NFS1: variants seen among roughly 807,000 people sequenced by gnomAD.
NFS1 encodes NFS1 cysteine desulfurase, also known as cysteine desulfurase.
Under a neutral mutation model 57.3 loss-of-function variants are expected in NFS1, and 26 were observed. The observed-to-expected ratio is 0.45, with a 90% CI of 0.33 to 0.63. The LOEUF is 0.63. NFS1 is among the 20% of genes least tolerant of loss of function. NFS1 has a pLI of 0.02. For synonymous variants in NFS1, 209 were observed against 216.3 expected (o/e 0.97, Z 0.30); for missense variants, 505 against 605.8 (o/e 0.83, Z 1.75).
intron 5 of NFS1, among the ~76,000 whole-genome samples, chr20:35,684,325 G>A (rs756698984): frequency 2.0e-5 from 3 of 150,544 alleles, no homozygotes; most frequent in Admixed American, 6.6e-5. Context: ...GGAGAATGGC[G>A]TGAACCTGGG....
Position 35,675,074 on chromosome 20 carries a change from C to A in NFS1, c.919G>T (p.Ala307Ser). The change falls in exon 8 of 13, where the codon GCG becomes TCG. Residue 307 changes from alanine to serine, a missense_variant. Coordinates refer to ENST00000374092, the MANE Select transcript of NFS1 (RefSeq NM_021100.5). The part of the protein sequence containing the change: ...PTPLVVGLGA[A>S]CEVAQQEMEY... The stretch of plus-strand genomic sequence containing the variant: ...ATCTCTTGCTGTGCCACCTCACACG[C>A]AGCCCCCAGCCCCACCACTAAGGGT... 2 of 1,614,058 alleles carry A rather than the reference C, an allele frequency of 1.2e-6. No homozygotes were observed. Among genetic ancestry groups the A allele is most frequent in the African/African-American group, 2.7e-5 (2 of 75,038 alleles).
rs1223418864 is a variant in NFS1 at position 35,699,327 on chromosome 20, G to C, written c.-39C>G. ...GAGCCCACCTTCCGAAGCCGCTGCA[G>C]TCCTGGGCCCCAGGCTCCCGGAAGT... On this transcript the variant is annotated 5_prime_UTR_variant, in exon 1 of 13. Transcript: ENST00000374092. This position sits in a 1 kb window ranked among gnomAD's most constrained non-coding sequence, Gnocchi z 4.4. The C allele has an allele frequency of 7.1e-7, 1 of 1,399,096 alleles. No individual in the cohort carries two copies. Among genetic ancestry groups the C allele is most frequent in the East Asian group, 2.8e-5 (1 of 35,276 alleles). 86.7% of individuals were successfully genotyped at this position (1,399,096 alleles called of 1,614,324 possible). A position where few individuals can be genotyped will look rare whatever the true frequency, so the allele number is the denominator to read the frequency against.
rs769824047 is a variant in NFS1 at position 35,680,887 on chromosome 20, G to A, written c.656-16C>T. On this transcript the variant is annotated splice_polypyrimidine_tract_variant and intron_variant, in intron 6 of 12. Coordinates refer to ENST00000374092, the MANE Select transcript of NFS1 (RefSeq NM_021100.5). ...CAAATCCGCCCTGAGGAAACAGAGG[G>A]GAAGACCCACAGCACAATGTTGGAA... 35 of 1,482,674 alleles carry A rather than the reference G, an allele frequency of 2.4e-5. No homozygotes were observed. Among genetic ancestry groups the A allele is most frequent in the African/African-American group, 1.4e-5 (1 of 69,822 alleles). The allele number at this position is 1,482,674 out of a possible 1,614,324, so 91.8% of individuals were successfully genotyped here.
Position 35,673,760 on chromosome 20 carries a change from C to T in NFS1, c.1137-76G>A, listed in dbSNP as rs2034695846. On this transcript the variant is annotated intron_variant, in intron 10 of 12. Coordinates refer to ENST00000374092, the MANE Select transcript of NFS1 (RefSeq NM_021100.5). ...TAGTCACAAACCCTCAGTCTTGTTC[C>T]CATCCCCCAGGGCCCTGGAGTCATA... 5 of 1,236,580 alleles carry T rather than the reference C, an allele frequency of 4.0e-6. No homozygotes were observed. In the East Asian group the frequency reaches 9.4e-5, roughly 23 times the overall value. 76.6% of individuals were successfully genotyped at this position (1,236,580 alleles called of 1,614,324 possible). A position where few individuals can be genotyped will look rare whatever the true frequency, so the allele number is the denominator to read the frequency against.
At chr20:35,672,661 CT>C in intron 12 of NFS1, 93 bp downstream of exon 12, 2 of 826,746 alleles carry the variant, frequency 2.4e-6, no homozygotes, top group Middle Eastern at 3.3e-4. Context: ...TACGCTTGAA[CT>C]TTGGTTTTGG....
intron 6 of NFS1, among the ~76,000 whole-genome samples, chr20:35,681,627 T>C (rs970236705): frequency 6.6e-6 from 1 of 151,680 alleles, no homozygotes; most frequent in Admixed American, 6.6e-5. Context: ...GAACCCAGAG[T>C]GAGGAGGTTG....
intron 11 of NFS1, 107 bp downstream of exon 11, chr20:35,673,494 G>T: frequency 2.3e-6 from 2 of 868,012 alleles, no homozygotes; most frequent in South Asian, 3.1e-5. Flanking sequence ...GAGATAAGGA[G>T]AACTCGACTG....
chr20:35,691,137 C>A (rs1419727610), intron 4 of NFS1, among the ~76,000 whole-genome samples: 1 of 151,956 alleles, frequency 6.6e-6, no homozygotes, highest in African/African-American at 2.4e-5. Context: ...AAAATAAAAT[C>A]TATTAAAATA....
chr20:35,669,328 C>A lies in NFS1; in HGVS notation c.*294G>T. ...TTCTGGTTCCTCTTGCTCTCCTCAC[C>A]AAGAGCACAGATGTGCCCAGCAGCA... On this transcript the variant is annotated 3_prime_UTR_variant, in exon 13 of 13. Coordinates refer to ENST00000374092, the MANE Select transcript of NFS1 (RefSeq NM_021100.5). 3.5e-6 allele frequency: 1 copy of A among 284,784 alleles called. No individual in the cohort carries two copies. Among genetic ancestry groups the A allele is most frequent in the Non-Finnish European group, 6.7e-6 (1 of 150,256 alleles). 17.6% of individuals were successfully genotyped at this position (284,784 alleles called of 1,614,324 possible).
At chr20:35,674,301 C>T (rs748516773) in intron 10 of NFS1, 49 bp downstream of exon 10, 2 of 1,456,270 alleles carry the variant, frequency 1.4e-6, no homozygotes, top group Non-Finnish European at 1.9e-6. Flanking sequence ...GCCTGTATGA[C>T]TCTTCTAAGT....
At chr20:35,675,019 G>A (rs368538248) in intron 8 of NFS1, 26 bp downstream of exon 8, 3 of 1,613,784 alleles carry the variant, frequency 1.9e-6, no homozygotes, top group Non-Finnish European at 2.5e-6. Context: ...GGAAGAAGTT[G>A]TGGGAGGGAA....
At chr20:35,693,747 A>C (rs1376452747) in intron 4 of NFS1, among the ~76,000 whole-genome samples, 4 of 152,178 alleles carry the variant, frequency 2.6e-5, no homozygotes, top group Non-Finnish European at 5.9e-5. Context: ...GCGGATCACA[A>C]GGTCAGGAGA....
Position 35,673,616 on chromosome 20 carries a change from G to T in NFS1, c.1205C>A (p.Ala402Glu), listed in dbSNP as rs144638713. Residue 402 changes from alanine (A) to glutamate (E), a missense_variant, in exon 11 of 13, where the codon GCG becomes GAG. Coordinates refer to ENST00000374092, the MANE Select transcript of NFS1 (RefSeq NM_021100.5). ...ACTCACTGACCTGATAGAAGAGTGC[G>T]CTAAATCCTCATCAGTGCCAATTGC... ...LRAIGTDEDL[A>E]HSSIRFGIGR... is the part of the protein sequence containing the mutation. 1 of 1,613,678 alleles carries T rather than the reference G, an allele frequency of 6.2e-7. No individual in the cohort carries two copies. Among genetic ancestry groups the T allele is most frequent in the Non-Finnish European group, 8.5e-7 (1 of 1,179,708 alleles).
At chr20:35,682,190 C>A (rs1339410527) in intron 5 of NFS1, among the ~76,000 whole-genome samples, 2 of 152,184 alleles carry the variant, frequency 1.3e-5, no homozygotes, top group African/African-American at 4.8e-5. Context: ...ATATCACAGC[C>A]ACTTTGGAAA....
chr20:35,691,738 C>CAAAA lies in NFS1; in HGVS notation c.409-1177_409-1174dup, dbSNP rs60402350. ...TGGGCAACAGAGCGAGACTGCATCT[C>CAAAA]AAAAAAAAAAAAAAAAAAAAAAAAA... On this transcript the variant is annotated intron_variant, in intron 4 of 12. Transcript: ENST00000374092. 1.5e-3 allele frequency among the ~76,000 whole-genome samples: 27 copies of CAAAA among 18,158 alleles called. 1 individual carries two copies. The highest frequency in any genetic ancestry group is 1.8e-3 in the African/African-American group (13 of 7,278). The allele number at this position is 18,158 out of a possible 152,430, so 11.9% of individuals were successfully genotyped here.
chr20:35,694,943 C>T (rs939444010), intron 4 of NFS1: 1 of 151,718 alleles, frequency 6.6e-6, no homozygotes, highest in Non-Finnish European at 1.5e-5. Context: ...CAAAATGTTA[C>T]AGTTGTTTAT....
At chr20:35,690,215 A>G (rs1388693879) in intron 5 of NFS1, among the ~76,000 whole-genome samples, 198 bp downstream of exon 5, 1 of 152,092 alleles carries the variant, frequency 6.6e-6, no homozygotes, top group Non-Finnish European at 1.5e-5. Context: ...AGAAAAAGAA[A>G]CAAGTCCTCC....
At chr20:35,696,530 G>T in intron 3 of NFS1, 70 bp from the exon 4 acceptor site, 1 of 1,163,536 alleles carries the variant, frequency 8.6e-7, no homozygotes, top group Non-Finnish European at 1.3e-6. Flanking sequence ...GACACAGGTG[G>T]GACAGCCCTG....
At chr20:35,680,405 C>T (rs754679302) in intron 7 of NFS1, among the ~76,000 whole-genome samples, 1 of 152,110 alleles carries the variant, frequency 6.6e-6, no homozygotes, top group African/African-American at 2.4e-5. Flanking sequence ...AGTTGCTCTG[C>T]ACATCATAGT....
Sources: gnomAD v4.1 joint callset for allele counts (sites outside exome capture counted in the v4.1 genomes callset) on GRCh38, gnomAD v4.1.1 for gene constraint, Gnocchi (gnomAD v3.1) non-coding constraint, MANE v1.5 for transcripts, NCBI Gene and HGNC (gene_info 2026-07-23, HGNC 2026-07-21) for gene names.